AUTS2: variants seen among roughly 807,000 people sequenced by gnomAD.
AUTS2 encodes activator of transcription and developmental regulator AUTS2.
AUTS2 carries 17 observed loss-of-function variants against 112.4 expected under a neutral mutation model. The ratio of observed to expected loss-of-function variants is 0.15; its 90% CI spans 0.10 to 0.23. AUTS2 has a LOEUF of 0.23. Ranked by LOEUF, AUTS2 falls within the 10% of genes least tolerant of loss-of-function variation. The pLI is 1.00. For missense variants in AUTS2, 1,510 were observed against 1,701.6 expected, an observed-to-expected ratio of 0.89 and a Z score of 1.98; for synonymous variants, 751 against 702.7, an observed-to-expected ratio of 1.07 and a Z score of -1.09.
chr7:70,305,037 A>T (rs1789428791), intron 4 of AUTS2, among the ~76,000 whole-genome samples: 1 of 152,200 alleles, frequency 6.6e-6, no homozygotes, highest in Non-Finnish European at 1.5e-5. Flanking sequence ...AGTTTCACAT[A>T]AACTTTCTCA....
Position 69,599,580 on chromosome 7 carries a change from T to G in AUTS2, c.-74T>G. 1 of 1,222,302 alleles carries G rather than the reference T, an allele frequency of 8.2e-7. No individual in the cohort carries two copies. The highest frequency in any genetic ancestry group is 1.0e-6 in the Non-Finnish European group (1 of 978,882). 75.7% of individuals were successfully genotyped at this position (1,222,302 alleles called of 1,614,324 possible). A position where few individuals can be genotyped will look rare whatever the true frequency, so the allele number is the denominator to read the frequency against. On this transcript the variant is annotated 5_prime_UTR_variant, in exon 1 of 19. Coordinates refer to ENST00000342771, the MANE Select transcript of AUTS2 (RefSeq NM_015570.4). This position sits in a 1 kb window ranked among gnomAD's most constrained non-coding sequence, Gnocchi z 7.0. ...CCGTGAAGGGGGAGGGAGGGCTCGG[T>G]GTCAATTTTTTTTTGTGTGGCTGCG...
At chr7:70,611,975 A>G (rs1217359489) in intron 5 of AUTS2, among the ~76,000 whole-genome samples, 1 of 152,222 alleles carries the variant, frequency 6.6e-6, no homozygotes, top group East Asian at 1.9e-4. Flanking sequence ...TACTTGAAGC[A>G]TTTCTCTAAA....
chr7:70,603,149 A>T (rs569582236), intron 5 of AUTS2, among the ~76,000 whole-genome samples: 4 of 152,332 alleles, frequency 2.6e-5, no homozygotes, highest in Admixed American at 2.6e-4. Flanking sequence ...TGCCCTCTAG[A>T]GTCATAGACA....
chr7:70,053,224 G>T (rs1801833089), intron 2 of AUTS2, among the ~76,000 whole-genome samples: 1 of 152,068 alleles, frequency 6.6e-6, no homozygotes, highest in Non-Finnish European at 1.5e-5. Flanking sequence ...GCTCTTAGAT[G>T]TCCCATTCCA....
At chr7:70,357,861 C>G (rs1164808116) in intron 4 of AUTS2, among the ~76,000 whole-genome samples, 1 of 152,162 alleles carries the variant, frequency 6.6e-6, no homozygotes, top group Non-Finnish European at 1.5e-5. Flanking sequence ...ATTAAATTTT[C>G]TTAAGCAAAA....
At chr7:70,216,382 C>G (rs1223742829) in intron 4 of AUTS2, among the ~76,000 whole-genome samples, 1 of 152,212 alleles carries the variant, frequency 6.6e-6, no homozygotes, top group Admixed American at 6.5e-5. Context: ...TCATTTCACT[C>G]CATTTCATAT....
intron 5 of AUTS2, among the ~76,000 whole-genome samples, chr7:70,524,127 A>G (rs1799747245): frequency 6.6e-6 from 1 of 152,260 alleles, no homozygotes; most frequent in African/African-American, 2.4e-5. Context: ...ATGGATGCCA[A>G]GACCATTTAT....
At chr7:70,401,695 G>T (rs1252261744) in intron 4 of AUTS2, among the ~76,000 whole-genome samples, 3 of 152,162 alleles carry the variant, frequency 2.0e-5, no homozygotes, top group Admixed American at 6.5e-5. Context: ...GCAGAGGTGG[G>T]AGGAGACTGC....
intron 4 of AUTS2, among the ~76,000 whole-genome samples, chr7:70,191,640 T>G (rs1461199491): frequency 6.6e-6 from 1 of 152,238 alleles, no homozygotes; most frequent in Non-Finnish European, 1.5e-5. Context: ...AGTCAGAAGA[T>G]GATTAACAGA....
intron 4 of AUTS2, among the ~76,000 whole-genome samples, chr7:70,189,310 G>GT (rs910752847): frequency 2.6e-4 from 40 of 152,210 alleles, no homozygotes; most frequent in Middle Eastern, 6.8e-3. Context: ...AAGGACTGTA[G>GT]TTTTTTTTAC....
chr7:70,773,940 T>C, intron 11 of AUTS2, 88 bp from the exon 12 acceptor site: 5 of 1,231,862 alleles, frequency 4.1e-6, no homozygotes, highest in South Asian at 3.7e-5. Flanking sequence ...GAAGTTTGGC[T>C]TCTCTCATTT....
At chr7:70,523,251 G>A (rs1799713293) in intron 5 of AUTS2, among the ~76,000 whole-genome samples, 1 of 152,156 alleles carries the variant, frequency 6.6e-6, no homozygotes, top group Admixed American at 6.5e-5. Context: ...GAGGTGGTCA[G>A]ACTTGATCCA....
At chr7:69,697,628 A>T (rs1797612338) in intron 1 of AUTS2, among the ~76,000 whole-genome samples, 1 of 152,194 alleles carries the variant, frequency 6.6e-6, no homozygotes, top group Non-Finnish European at 1.5e-5. Flanking sequence ...TGCTCAGATC[A>T]GTTTCCTCTC....
intron 1 of AUTS2, among the ~76,000 whole-genome samples, chr7:69,895,759 A>G (rs764170219): frequency 8.5e-5 from 13 of 152,374 alleles, no homozygotes; most frequent in Non-Finnish European, 1.8e-4. Context: ...TCTCATAAAT[A>G]TTAATTCACA....
In AUTS2 at chr7:70,526,990, T is replaced by C. The variant is rs537431201; in HGVS notation, c.690+91209T>C. Among the ~76,000 whole-genome samples, 10 of 152,384 alleles carry C rather than the reference T, an allele frequency of 6.6e-5. No homozygotes were observed. The East Asian group carries it at 1.9e-3, about 29-fold the overall frequency. On this transcript the variant is annotated intron_variant, in intron 5 of 18. Transcript: ENST00000342771. Reference sequence around the variant, plus strand: ...CCTAAGACATCAATTCCATGTCTTATGATTTTTCATGCTTTTCAAAATATT... The same window carrying C: ...CCTAAGACATCAATTCCATGTCTTACGATTTTTCATGCTTTTCAAAATATT...
intron 4 of AUTS2, among the ~76,000 whole-genome samples, chr7:70,329,137 T>A (rs1388140417): frequency 6.6e-6 from 1 of 152,224 alleles, no homozygotes; most frequent in Non-Finnish European, 1.5e-5. Flanking sequence ...TGAATAATAC[T>A]CCAGTATTTG....
chr7:70,539,950 G>A (rs1190712514), intron 5 of AUTS2, among the ~76,000 whole-genome samples: 2 of 152,188 alleles, frequency 1.3e-5, no homozygotes, highest in East Asian at 1.9e-4. Flanking sequence ...CACTGAGGAA[G>A]CCCGGTTTCC....
intron 1 of AUTS2, among the ~76,000 whole-genome samples, chr7:69,792,507 G>A (rs1217507474): frequency 7.2e-5 from 11 of 152,112 alleles, no homozygotes; most frequent in African/African-American, 1.9e-4. Context: ...CCAAAGTGCT[G>A]GGATTACAGG....
chr7:69,655,825 G>A (rs1795504820), intron 1 of AUTS2, among the ~76,000 whole-genome samples: 1 of 152,202 alleles, frequency 6.6e-6, no homozygotes, highest in South Asian at 2.1e-4. Context: ...CTGGGCAGTA[G>A]CTTGTTACTA....
Sources: allele counts gnomAD v4.1 joint callset (sites outside exome capture counted in the v4.1 genomes callset), GRCh38; gene constraint gnomAD v4.1.1; non-coding constraint Gnocchi (gnomAD v3.1); transcripts MANE v1.5; gene names NCBI Gene and HGNC (gene_info 2026-07-23, HGNC 2026-07-21).